Variants in CTNNA2 observed in about 807,000 individuals in gnomAD.
CTNNA2 encodes catenin alpha-2.
CTNNA2 carries 42 observed loss-of-function variants against 101.0 expected under a neutral mutation model. The ratio of observed to expected loss-of-function variants is 0.42; its 90% confidence interval spans 0.32 to 0.54. The LOEUF is 0.54. Ranked by LOEUF, CTNNA2 falls within the 20% of genes least tolerant of loss-of-function variation. The pLI is 0.14. For synonymous variants in CTNNA2, 450 were observed against 456.4 expected, an observed-to-expected ratio of 0.99 and a Z score of 0.18; for missense variants, 871 against 1,223.1, an observed-to-expected ratio of 0.71 and a Z score of 4.29.
At chr2:79,916,910 G>A (rs1427558663) in intron 7 of CTNNA2, among the ~76,000 whole-genome samples, 2 of 151,282 alleles carry the variant, frequency 1.3e-5, no homozygotes, top group African/African-American at 4.9e-5. Context: ...GGCTTGAGCC[G>A]CTGTGCCCAG....
chr2:80,397,850 C>T (rs774783720), intron 8 of CTNNA2, among the ~76,000 whole-genome samples: 4 of 152,252 alleles, frequency 2.6e-5, no homozygotes, highest in Middle Eastern at 3.4e-3. Context: ...TATCCTGCCT[C>T]TCCGTAGAAC....
chr2:80,481,246 T>C (rs1401775712), intron 9 of CTNNA2, among the ~76,000 whole-genome samples: 1 of 152,138 alleles, frequency 6.6e-6, no homozygotes, highest in Middle Eastern at 3.2e-3. Context: ...ACTCAAATCA[T>C]GTTTAAGTGT....
chr2:79,302,041 C>T (rs1167322694), intron 2 of CTNNA2, among the ~76,000 whole-genome samples: 9 of 151,720 alleles, frequency 5.9e-5, no homozygotes, highest in African/African-American at 9.7e-5. Flanking sequence ...TGCAGTGAGC[C>T]GAGGCTGCAC....
intron 1 of CTNNA2, among the ~76,000 whole-genome samples, chr2:79,621,305 A>G (rs898069407): frequency 6.6e-6 from 1 of 152,174 alleles, no homozygotes; most frequent in Non-Finnish European, 1.5e-5. Flanking sequence ...ATTCTCCAAT[A>G]AAAGGAACCA....
intron 7 of CTNNA2, among the ~76,000 whole-genome samples, chr2:80,191,076 A>G (rs977954325): frequency 3.2e-4 from 49 of 152,330 alleles, no homozygotes; most frequent in Non-Finnish European, 1.3e-4. Flanking sequence ...TCTCTATCAT[A>G]GTCATATTTT....
intron 1 of CTNNA2, among the ~76,000 whole-genome samples, chr2:79,527,941 C>G (rs1672514957): frequency 6.6e-6 from 1 of 151,986 alleles, no homozygotes; most frequent in South Asian, 2.1e-4. Context: ...AATGGACACA[C>G]AAAATAAGGC....
chr2:79,889,804 T>G (rs1360318877), intron 6 of CTNNA2, among the ~76,000 whole-genome samples: 1 of 152,164 alleles, frequency 6.6e-6, no homozygotes, highest in Non-Finnish European at 1.5e-5. Context: ...GACTGAAAAG[T>G]TGTTATGCCA....
chr2:80,384,745 G>T (rs1407964087), intron 7 of CTNNA2, among the ~76,000 whole-genome samples: 2 of 151,992 alleles, frequency 1.3e-5, no homozygotes, highest in Non-Finnish European at 2.9e-5. Context: ...AGTAATTTGT[G>T]CTGGGGAAAA....
intron 3 of CTNNA2, among the ~76,000 whole-genome samples, chr2:79,780,563 A>G (rs932427529): frequency 1.1e-4 from 16 of 152,302 alleles, no homozygotes; most frequent in African/African-American, 3.8e-4. Context: ...CAAACACATT[A>G]CATACAACTT....
intron 7 of CTNNA2, among the ~76,000 whole-genome samples, chr2:80,265,975 T>C (rs1007096667): frequency 9.2e-5 from 14 of 152,204 alleles, no homozygotes; most frequent in African/African-American, 3.4e-4. Context: ...TGTTAAACTG[T>C]CGGCAGAGTT....
At chr2:79,273,443 T>G (rs1473401407) in intron 2 of CTNNA2, among the ~76,000 whole-genome samples, 1 of 152,128 alleles carries the variant, frequency 6.6e-6, no homozygotes. Flanking sequence ...TCTAGTATAT[T>G]GACTTTGGAA....
At chr2:80,315,127 C>T (rs1236027467) in intron 7 of CTNNA2, among the ~76,000 whole-genome samples, 1 of 151,930 alleles carries the variant, frequency 6.6e-6, no homozygotes, top group Non-Finnish European at 1.5e-5. Context: ...AAAATCACAC[C>T]CTATAGATTG....
chr2:79,580,947 A>G (rs1285242829), intron 1 of CTNNA2, among the ~76,000 whole-genome samples: 1 of 152,172 alleles, frequency 6.6e-6, no homozygotes, highest in Non-Finnish European at 1.5e-5. Context: ...TTTTACCACC[A>G]TGTTTCCTTT....
chr2:80,253,598 T>C (rs990549695), intron 7 of CTNNA2, among the ~76,000 whole-genome samples: 1 of 152,134 alleles, frequency 6.6e-6, no homozygotes, highest in Non-Finnish European at 1.5e-5. Flanking sequence ...CTCCTTCACC[T>C]CTCATGCTCC....
chr2:79,666,089 A>C (rs1248938476), intron 2 of CTNNA2, among the ~76,000 whole-genome samples: 1 of 152,230 alleles, frequency 6.6e-6, no homozygotes, highest in African/African-American at 2.4e-5. Context: ...GACTTTTTCA[A>C]GCACAGTAAA....
intron 12 of CTNNA2, among the ~76,000 whole-genome samples, chr2:80,568,959 T>C (rs1312297866): frequency 6.6e-6 from 1 of 152,174 alleles, no homozygotes; most frequent in Non-Finnish European, 1.5e-5. Context: ...TTCTCTGTAG[T>C]ATAGGGAATC....
intron 7 of CTNNA2, among the ~76,000 whole-genome samples, chr2:80,321,617 A>T (rs1199302737): frequency 6.6e-6 from 1 of 152,178 alleles, no homozygotes; most frequent in African/African-American, 2.4e-5. Flanking sequence ...TCTTTTTTTT[A>T]AAAGCCTACC....
chr2:80,514,081 T>A (rs1333377754), intron 9 of CTNNA2, among the ~76,000 whole-genome samples: 1 of 152,204 alleles, frequency 6.6e-6, no homozygotes, highest in East Asian at 1.9e-4. Flanking sequence ...ATTTTATATA[T>A]CTGTCCTGTT....
chr2:80,484,533 C>G (rs1035840884), intron 9 of CTNNA2, among the ~76,000 whole-genome samples: 1 of 152,108 alleles, frequency 6.6e-6, no homozygotes, highest in Non-Finnish European at 1.5e-5. Flanking sequence ...TAGCCTTTGT[C>G]CTAGTCTATA....
Sources: gnomAD v4.1 joint callset for allele counts (sites outside exome capture counted in the v4.1 genomes callset) on GRCh38, gnomAD v4.1.1 for gene constraint, MANE v1.5 for transcripts, NCBI Gene and HGNC (gene_info 2026-07-23, HGNC 2026-07-21) for gene names.